Variants in ZNF296 observed in about 807,000 individuals in gnomAD.
ZNF296 encodes zinc finger protein 296.
ZNF296 carries 1 observed loss-of-function variant against 13.2 expected under a neutral mutation model. The ratio of observed to expected loss-of-function variants is 0.08; its 90% CI spans 0.03 to 0.36. ZNF296 has a LOEUF of 0.36. Among genes scored for constraint, ZNF296 ranks in the 10% least tolerant of loss-of-function variants. The pLI, the probability that ZNF296 is intolerant of heterozygous loss-of-function variation, is 0.99. For synonymous variants in ZNF296, 303 were observed against 289.0 expected, an observed-to-expected ratio of 1.05 and a Z score of -0.49; for missense variants, 555 against 688.2, an observed-to-expected ratio of 0.81 and a Z score of 2.16.
In ZNF296 at chr19:45,076,478, T is replaced by A; in HGVS notation, c.-105A>T. 2 of 849,498 alleles carry A rather than the reference T, an allele frequency of 2.4e-6. No individual in the cohort carries two copies. The highest frequency in any genetic ancestry group is 3.1e-6 in the Non-Finnish European group (2 of 647,338). The allele number at this position is 849,498 out of a possible 1,614,324, so 52.6% of individuals were successfully genotyped here. ...GACCGTGCGCGCTCAGGTGAGTGAC[T>A]GCGGCGACCCGCCGCGAACTCTTAC... On this transcript the variant is annotated 5_prime_UTR_variant, in exon 1 of 3. Transcript: ENST00000303809. This position sits in a 1 kb window ranked among gnomAD's most constrained non-coding sequence, Gnocchi z 4.9.
At position 45,076,474 on chromosome 19, in the gene ZNF296, T is replaced by A; in HGVS notation, c.-101A>T. Reference sequence around the variant, plus strand: ...CGCGGACCGTGCGCGCTCAGGTGAGTGACTGCGGCGACCCGCCGCGAACTC... The same window carrying A: ...CGCGGACCGTGCGCGCTCAGGTGAGAGACTGCGGCGACCCGCCGCGAACTC... On this transcript the variant is annotated 5_prime_UTR_variant, in exon 1 of 3. Transcript: ENST00000303809. This position sits in a 1 kb window ranked among gnomAD's most constrained non-coding sequence, Gnocchi z 4.9. 1 of 900,928 alleles carries A rather than the reference T, an allele frequency of 1.1e-6. No homozygotes were observed. Among genetic ancestry groups the A allele is most frequent in the Non-Finnish European group, 1.4e-6 (1 of 694,228 alleles). 55.8% of individuals were successfully genotyped at this position (900,928 alleles called of 1,614,324 possible).
chr19:45,075,890 TG>T, intron 1 of ZNF296, 28 bp from the exon 2 acceptor site: 1 of 1,600,132 alleles, frequency 6.2e-7, no homozygotes, highest in Non-Finnish European at 8.5e-7. Flanking sequence ...GTGGTGAGCG[TG>T]GGGTGGGGCC....
At chr19:45,075,615 G>A in intron 2 of ZNF296, 98 bp downstream of exon 2, 1 of 1,453,288 alleles carries the variant, frequency 6.9e-7, no homozygotes. Context: ...CGAGAAAGGG[G>A]AAGTAGTGCT....
chr19:45,073,448 G>A (rs1170588001), intron 2 of ZNF296, among the ~76,000 whole-genome samples: 3 of 147,110 alleles, frequency 2.0e-5, no homozygotes, highest in African/African-American at 5.2e-5. Context: ...TCGGCTCACT[G>A]CAAGCTCTGC....
intron 2 of ZNF296, among the ~76,000 whole-genome samples, chr19:45,073,700 C>T (rs951637132): frequency 7.9e-5 from 12 of 151,260 alleles, no homozygotes; most frequent in African/African-American, 2.9e-4. Flanking sequence ...AGCCACCATA[C>T]CTGGCTGGGA....
At position 45,076,356 on chromosome 19, in the gene ZNF296, G is replaced by A; in HGVS notation, c.18C>T (p.Ala6=). 1.5e-6 allele frequency: 2 copies of A among 1,351,990 alleles called. No individual in the cohort carries two copies. Among genetic ancestry groups the A allele is most frequent in the East Asian group, 2.8e-5 (1 of 35,880 alleles). The allele number at this position is 1,351,990 out of a possible 1,614,324, so 83.7% of individuals were successfully genotyped here. MSRRK[A]GSAPRRVEPA... The stretch of plus-strand genomic sequence containing the variant: ...GCTCTACTCGGCGGGGCGCGCTGCC[G>A]GCCTTGCGGCGGGACATGAGTCGCG... Residue 6 remains alanine (A), a synonymous_variant, in exon 1 of 3, where the codon GCC becomes GCT. Coordinates refer to ENST00000303809, the MANE Select transcript of ZNF296 (RefSeq NM_145288.3). The surrounding 1 kb of genome is among the most constrained non-coding windows in gnomAD (Gnocchi z 4.9).
chr19:45,076,362 G>C lies in ZNF296; in HGVS notation c.12C>G (p.Arg4=), dbSNP rs1667988674. 7.4e-7 allele frequency: 1 copy of C among 1,348,620 alleles called. No individual in the cohort carries two copies. The highest frequency in any genetic ancestry group is 9.5e-7 in the Non-Finnish European group (1 of 1,048,822). The allele number at this position is 1,348,620 out of a possible 1,614,324, so 83.5% of individuals were successfully genotyped here. A position where few individuals can be genotyped will look rare whatever the true frequency, so the allele number is the denominator to read the frequency against. The change falls in exon 1 of 3, where the codon CGC becomes CGG. Residue 4 remains arginine (R), a synonymous_variant. Transcript: ENST00000303809. The surrounding 1 kb of genome is among the most constrained non-coding windows in gnomAD (Gnocchi z 4.9). ...CTCGGCGGGGCGCGCTGCCGGCCTT[G>C]CGGCGGGACATGAGTCGCGGGCCGG... The part of the protein sequence containing the change: MSR[R]KAGSAPRRVE...
chr19:45,071,939 C>T lies in ZNF296; in HGVS notation c.1090G>A (p.Ala364Thr), dbSNP rs755972194. ...AITTEQRTDPANSQKASPKKM... is the reference protein window; with the variant it reads ...AITTEQRTDPTNSQKASPKKM... ...TTGGGTGATGCCTTCTGGCTGTTTGCAGGGTCAGTTCTTTGTTCCGTGGTG... is the reference window on the plus strand; with the variant it reads ...TTGGGTGATGCCTTCTGGCTGTTTGTAGGGTCAGTTCTTTGTTCCGTGGTG... Residue 364 changes from alanine to threonine, a missense_variant, in exon 3 of 3, where the codon GCA (alanine) becomes ACA (threonine). Coordinates refer to ENST00000303809, the MANE Select transcript of ZNF296 (RefSeq NM_145288.3). The T allele has an allele frequency of 1.2e-6, 2 of 1,613,586 alleles. No homozygotes were observed. The highest frequency in any genetic ancestry group is 1.1e-5 in the South Asian group (1 of 91,092).
chr19:45,072,927 A>G (rs762969608), intron 2 of ZNF296, among the ~76,000 whole-genome samples: 7 of 152,024 alleles, frequency 4.6e-5, no homozygotes, highest in Non-Finnish European at 7.4e-5. Context: ...ATGCCTGGCT[A>G]ATTAGTAGAG....
intron 2 of ZNF296, among the ~76,000 whole-genome samples, chr19:45,075,409 AAGG>A (rs942588130): frequency 6.6e-6 from 1 of 151,774 alleles, no homozygotes; most frequent in African/African-American, 2.4e-5. Context: ...GGCCAAGGGG[AAGG>A]AGAAGTGAAA....
intron 2 of ZNF296, among the ~76,000 whole-genome samples, chr19:45,073,497 G>A (rs758720527): frequency 2.7e-5 from 4 of 149,720 alleles, no homozygotes; most frequent in African/African-American, 7.4e-5. Context: ...CAGCCACCAC[G>A]CCACAGGGTT....
At chr19:45,073,072 A>C (rs1402668040) in intron 2 of ZNF296, among the ~76,000 whole-genome samples, 2 of 152,124 alleles carry the variant, frequency 1.3e-5, no homozygotes, top group African/African-American at 2.4e-5. Context: ...AAATCTTTTA[A>C]AAAGTTATGT....
rs757400624 is a variant in ZNF296, at chr19:45,076,366, C to A, written c.8G>T (p.Arg3Leu). The A allele has an allele frequency of 7.4e-7, 1 of 1,342,712 alleles. No individual in the cohort carries two copies. The highest frequency in any genetic ancestry group is 2.3e-5 in the South Asian group (1 of 42,882). 83.2% of individuals were successfully genotyped at this position (1,342,712 alleles called of 1,614,324 possible). Reference sequence around the variant, plus strand: ...GCGGGGCGCGCTGCCGGCCTTGCGGCGGGACATGAGTCGCGGGCCGGGCGA... The same window carrying A: ...GCGGGGCGCGCTGCCGGCCTTGCGGAGGGACATGAGTCGCGGGCCGGGCGA... MS[R>L]RKAGSAPRRV... Residue 3 changes from arginine to leucine, a missense_variant, in exon 1 of 3, where the codon CGC becomes CTC. Arg to Leu is a moderately radical substitution (Grantham distance 102). Transcript: ENST00000303809. The surrounding 1 kb of genome is among the most constrained non-coding windows in gnomAD (Gnocchi z 4.9).
In ZNF296 at chr19:45,071,635, C is replaced by T. The variant is rs778839713; in HGVS notation, c.1394G>A (p.Arg465Gln). ...GCCGGCCGCCTCAGGGTGCTTCTGCCGCAGGTGTTTGTCCAGGGTGGCTCG... is the reference window on the plus strand; with the variant it reads ...GCCGGCCGCCTCAGGGTGCTTCTGCTGCAGGTGTTTGTCCAGGGTGGCTCG... ...GLRATLDKHL[R>Q]QKHPEAAGEA The change falls in exon 3 of 3, where the codon CGG becomes CAG. Residue 465 changes from arginine (R) to glutamine (Q), a missense_variant. This residue lies in a region of ZNF296 where 410 missense variants were observed against 548.0 expected (regional missense o/e 0.75). Transcript: ENST00000303809. The T allele has an allele frequency of 2.0e-6, 3 of 1,530,342 alleles. No individual in the cohort carries two copies. Among genetic ancestry groups the T allele is most frequent in the South Asian group, 2.6e-5 (2 of 77,402 alleles). 94.8% of individuals were successfully genotyped at this position (1,530,342 alleles called of 1,614,324 possible).
chr19:45,076,328 C>A lies in ZNF296; in HGVS notation c.46G>T (p.Ala16Ser). 1 of 1,402,836 alleles carries A rather than the reference C, an allele frequency of 7.1e-7. No homozygotes were observed. The highest frequency in any genetic ancestry group is 9.3e-7 in the Non-Finnish European group (1 of 1,075,270). 86.9% of individuals were successfully genotyped at this position (1,402,836 alleles called of 1,614,324 possible). ...AGSAPRRVEPAPAANPDDEME... is the reference protein window; with the variant it reads ...AGSAPRRVEPSPAANPDDEME... ...TCGTCGTCTGGGTTGGCGGCGGGCG[C>A]GGGCTCTACTCGGCGGGGCGCGCTG... The change falls in exon 1 of 3, where the codon GCG becomes TCG. Residue 16 changes from alanine (A) to serine (S), a missense_variant. By Grantham distance (99) the Ala-to-Ser change is moderately conservative. Transcript: ENST00000303809. This position sits in a 1 kb window ranked among gnomAD's most constrained non-coding sequence, Gnocchi z 4.9.
At position 45,072,281 on chromosome 19, in the gene ZNF296, T is replaced by G. The variant is rs748074411; in HGVS notation, c.748A>C (p.Met250Leu). The G allele has an allele frequency of 6.2e-7, 1 of 1,613,646 alleles. No homozygotes were observed. The highest frequency in any genetic ancestry group is 2.2e-5 in the East Asian group (1 of 44,868). ...LSSFSNLKVH[M>L]RSHTGERPYA... ...GGCCGCTCGCCTGTGTGTGAGCGCA[T>G]GTGCACTTTGAGGTTGCTGAAGGAG... Residue 250 changes from methionine (M) to leucine (L), a missense_variant, in exon 3 of 3, where the codon ATG becomes CTG. This residue lies in a region of ZNF296 where 410 missense variants were observed against 548.0 expected (regional missense o/e 0.75). Transcript: ENST00000303809.
chr19:45,073,225 T>C (rs1028618966), intron 2 of ZNF296, among the ~76,000 whole-genome samples: 3 of 151,512 alleles, frequency 2.0e-5, no homozygotes, highest in African/African-American at 7.3e-5. Context: ...GTTGCACAGC[T>C]TGGAAGGGGT....
chr19:45,072,616 A>G, intron 2 of ZNF296, 36 bp from the exon 3 acceptor site: 1 of 1,544,786 alleles, frequency 6.5e-7, no homozygotes. Context: ...TAGTGCGGAC[A>G]GCTGCCAGCT....
Position 45,071,946 on chromosome 19 carries a change from A to C in ZNF296, c.1083T>G (p.Thr361=). Reference sequence around the variant, plus strand: ...ATGCCTTCTGGCTGTTTGCAGGGTCAGTTCTTTGTTCCGTGGTGATGGCTC... The same window carrying C: ...ATGCCTTCTGGCTGTTTGCAGGGTCCGTTCTTTGTTCCGTGGTGATGGCTC... ...TWGAITTEQR[T]DPANSQKASP... The change falls in exon 3 of 3, where the codon ACT becomes ACG. Residue 361 remains threonine, a synonymous_variant. Transcript: ENST00000303809. 8 of 1,613,694 alleles carry C rather than the reference A, an allele frequency of 5.0e-6. No individual in the cohort carries two copies. Among genetic ancestry groups the C allele is most frequent in the East Asian group, 2.2e-5 (1 of 44,872 alleles).
Sources: gnomAD v4.1 joint callset for allele counts (sites outside exome capture counted in the v4.1 genomes callset) on GRCh38, gnomAD v4.1.1 for gene constraint, gnomAD v4.1.1 regional missense constraint, Gnocchi (gnomAD v3.1) non-coding constraint, MANE v1.5 for transcripts, NCBI Gene and HGNC (gene_info 2026-07-23, HGNC 2026-07-21) for gene names.